Variants in CSTF2 observed in about 807,000 individuals in gnomAD.
CSTF2 encodes the protein CF-1 64 kDa subunit.
A neutral mutation model predicts 45.4 loss-of-function variants in CSTF2; 8 were observed. The observed-to-expected ratio is 0.18, with a 90% confidence interval of 0.10 to 0.32. The LOEUF is 0.32. Among genes scored for constraint, CSTF2 ranks in the 10% least tolerant of loss-of-function variants. CSTF2 has a pLI of 1.00. For missense variants in CSTF2, 253 were observed against 477.1 expected, an observed-to-expected ratio of 0.53 and a Z score of 4.38; for synonymous variants, 155 against 158.9, an observed-to-expected ratio of 0.98 and a Z score of 0.18.
chrX:100,830,804 C>A (rs1217930932), intron 8 of CSTF2: 3 of 1,150,633 alleles, frequency 2.6e-6, no homozygotes, highest in Non-Finnish European at 3.5e-6. Flanking sequence ...TACTGCTTAC[C>A]TAGGAACCCT....
At chrX:100,823,740 C>G in intron 4 of CSTF2, 146 bp from the exon 5 acceptor site, 1 of 714,183 alleles carries the variant, frequency 1.4e-6, no homozygotes, top group Non-Finnish European at 2.0e-6. Flanking sequence ...CTTCTCTTGC[C>G]TGCCATGACC....
chrX:100,838,259 T>C lies in CSTF2; in HGVS notation c.1632T>C (p.Val544=), dbSNP rs2085021232. 8.3e-7 allele frequency: 1 copy of C among 1,201,321 alleles called. No individual in the cohort carries two copies. Among genetic ancestry groups the C allele is most frequent in the African/African-American group, 1.7e-5 (1 of 57,402 alleles). ...CACAGGCTGCTTTGATTATGCAGGTTCTACAACTGACTGCAGACCAGATTG... is the reference window on the plus strand; with the variant it reads ...CACAGGCTGCTTTGATTATGCAGGTCCTACAACTGACTGCAGACCAGATTG... ...DHEKAALIMQ[V]LQLTADQIAM... The change falls in exon 13 of 14, where the codon GTT becomes GTC. Residue 544 remains valine, a synonymous_variant. Transcript: ENST00000372972.
At chrX:100,823,557 G>A (rs771452591) in intron 4 of CSTF2, 129 bp downstream of exon 4, 11 of 700,957 alleles carry the variant, frequency 1.6e-5, no homozygotes, top group African/African-American at 4.3e-5. Context: ...TCAATATTCT[G>A]TATGTACACA....
chrX:100,833,014 T>A, intron 10 of CSTF2, 105 bp downstream of exon 10: 1 of 1,016,332 alleles, frequency 9.8e-7, no homozygotes. Flanking sequence ...ATCTTTAAGG[T>A]TTATCCACAA....
At chrX:100,830,971 AG>A in intron 8 of CSTF2, 1 of 670,107 alleles carries the variant, frequency 1.5e-6, no homozygotes. Flanking sequence ...AGAACCCAAA[AG>A]GGTAGTGTTT....
intron 11 of CSTF2, among the ~76,000 whole-genome samples, chrX:100,834,914 TTC>T (rs1219932532): frequency 8.9e-6 from 1 of 112,071 alleles, no homozygotes; most frequent in Non-Finnish European, 1.9e-5. Context: ...TTTTGCTCCT[TTC>T]TCTCTGCTGG....
intron 3 of CSTF2, 55 bp downstream of exon 3, chrX:100,822,475 A>G: frequency 8.9e-7 from 1 of 1,123,389 alleles, no homozygotes; most frequent in East Asian, 3.0e-5. Context: ...GTAACAATGA[A>G]GATTTTCCAT....
At chrX:100,828,500 G>T (rs963862189) in intron 8 of CSTF2, among the ~76,000 whole-genome samples, 2 of 112,014 alleles carry the variant, frequency 1.8e-5, no homozygotes, top group Non-Finnish European at 3.8e-5. Context: ...ATGGATATCT[G>T]TTGACTGAGT....
At chrX:100,833,075 G>A in intron 10 of CSTF2, 105 bp from the exon 11 acceptor site, 1 of 1,007,519 alleles carries the variant, frequency 9.9e-7, no homozygotes, top group Non-Finnish European at 1.3e-6. Flanking sequence ...ATAGCTGAGG[G>A]GACAAATGTG....
chrX:100,828,234 T>A, intron 8 of CSTF2, 132 bp downstream of exon 8: 1 of 489,848 alleles, frequency 2.0e-6, no homozygotes, highest in Non-Finnish European at 3.2e-6. Flanking sequence ...AAGTAAAATT[T>A]AAAACTCAGT....
chrX:100,828,598 T>A (rs2084957401), intron 8 of CSTF2, among the ~76,000 whole-genome samples: 1 of 112,170 alleles, frequency 8.9e-6, no homozygotes, highest in Non-Finnish European at 1.9e-5. Context: ...GAGGGAATCA[T>A]AGGTCTGTAA....
At chrX:100,824,566 A>G (rs1166299322) in intron 6 of CSTF2, among the ~76,000 whole-genome samples, 2 of 112,027 alleles carry the variant, frequency 1.8e-5, no homozygotes, top group Non-Finnish European at 3.8e-5. Flanking sequence ...TAATCCTCAA[A>G]GCAATTGTAT....
intron 8 of CSTF2, among the ~76,000 whole-genome samples, chrX:100,829,232 G>A (rs946091234): frequency 8.0e-5 from 9 of 112,028 alleles, no homozygotes; most frequent in African/African-American, 2.9e-4. Context: ...GCTCATGCCT[G>A]TAATCCCAGC....
chrX:100,828,823 A>G (rs1172268810), intron 8 of CSTF2, among the ~76,000 whole-genome samples: 1 of 112,549 alleles, frequency 8.9e-6, no homozygotes, highest in Non-Finnish European at 1.9e-5. Flanking sequence ...AATTTTCATA[A>G]ATAATCTTGT....
At chrX:100,833,613 C>A (rs2084990097) in intron 11 of CSTF2, 141 bp downstream of exon 11, 4 of 569,281 alleles carry the variant, frequency 7.0e-6, no homozygotes, top group African/African-American at 4.7e-5. Context: ...CTCCCTGTAG[C>A]TTCTCTGTCC....
At chrX:100,832,662 C>T (rs1202172503) in intron 9 of CSTF2, 72 bp from the exon 10 acceptor site, 7 of 954,536 alleles carry the variant, frequency 7.3e-6, no homozygotes, top group African/African-American at 1.9e-5. Context: ...TGGATGTTTA[C>T]TTACTGATCT....
At chrX:100,827,895 C>G (rs745437018) in intron 7 of CSTF2, 145 bp from the exon 8 acceptor site, 83 of 396,972 alleles carry the variant, frequency 2.1e-4, no homozygotes, top group Non-Finnish European at 3.5e-4. Flanking sequence ...CCCATCTTCT[C>G]TCTCATTGCA....
In CSTF2 at chrX:100,820,651, C is replaced by G. The variant is rs780658809; in HGVS notation, c.58+177C>G. ...AGAGATATTCCCATTCTGCCGAGGT[C>G]TCGTAGGCTTTCCGCAATATCAGTG... is the stretch of plus-strand genomic sequence containing the variant. On this transcript the variant is annotated intron_variant, in intron 1 of 13. Coordinates refer to ENST00000372972, the MANE Select transcript of CSTF2 (RefSeq NM_001325.3). The G allele has an allele frequency of 5.5e-6, 3 of 540,858 alleles. No individual in the cohort carries two copies. In the African/African-American group the frequency reaches 6.8e-5, roughly 12 times the overall value. The allele number at this position is 540,858 out of a possible 1,213,427, so 44.6% of individuals were successfully genotyped here. A position where few individuals can be genotyped will look rare whatever the true frequency, so the allele number is the denominator to read the frequency against.
chrX:100,832,905 C>T lies in CSTF2; in HGVS notation c.1203C>T (p.Gly401=). The part of the protein sequence containing the change: ...MLDQRGPPLD[G]RGGRDPRGID... ...ATCAGAGGGGTCCACCCTTGGATGGCAGAGGTAAGGGGAGATCACATTGCA... is the reference window on the plus strand; with the variant it reads ...ATCAGAGGGGTCCACCCTTGGATGGTAGAGGTAAGGGGAGATCACATTGCA... Residue 401 remains glycine, a synonymous_variant, in exon 10 of 14, where the codon GGC becomes GGT. Transcript: ENST00000372972. 8.3e-7 allele frequency: 1 copy of T among 1,198,593 alleles called. No homozygotes were observed. The highest frequency in any genetic ancestry group is 1.8e-5 in the South Asian group (1 of 54,649).
Sources: gnomAD v4.1 joint callset for allele counts (sites outside exome capture counted in the v4.1 genomes callset) on GRCh38, gnomAD v4.1.1 for gene constraint, MANE v1.5 for transcripts, NCBI Gene and HGNC (gene_info 2026-07-23, HGNC 2026-07-21) for gene names.